Variants in TBC1D5 observed in about 807,000 individuals in gnomAD.
TBC1D5 encodes TBC1 domain family member 5, also known as TBC1 domain family, member 5.
In TBC1D5, 75 loss-of-function variants were observed where a neutral mutation model predicts 100.3. The ratio of observed to expected loss-of-function variants is 0.75; its 90% CI spans 0.62 to 0.91. The LOEUF is 0.91. Among genes scored for constraint, TBC1D5 ranks in the 40% least tolerant of loss-of-function variants. The pLI is 0.00. For synonymous variants in TBC1D5, 323 were observed against 325.6 expected, an observed-to-expected ratio of 0.99 and a Z score of 0.09; for missense variants, 910 against 942.4, an observed-to-expected ratio of 0.97 and a Z score of 0.45.
At chr3:17,629,584 T>C (rs1169545296) in intron 1 of TBC1D5, among the ~76,000 whole-genome samples, 1 of 152,208 alleles carries the variant, frequency 6.6e-6, no homozygotes, top group Admixed American at 6.5e-5. Context: ...CAGGACTCAC[T>C]AGTTACTTTG....
At chr3:17,425,472 C>A (rs954677135) in intron 4 of TBC1D5, among the ~76,000 whole-genome samples, 1 of 152,102 alleles carries the variant, frequency 6.6e-6, no homozygotes, top group African/African-American at 2.4e-5. Context: ...ACAAAAAACA[C>A]AAGAATTACC....
intron 3 of TBC1D5, among the ~76,000 whole-genome samples, chr3:17,455,452 G>T (rs1487940047): frequency 6.9e-6 from 1 of 145,218 alleles, no homozygotes; most frequent in Non-Finnish European, 1.5e-5. Context: ...ATATATATAT[G>T]TGTGTGTATA....
intron 4 of TBC1D5, among the ~76,000 whole-genome samples, chr3:17,412,830 A>C (rs151252148): frequency 1.1e-4 from 16 of 152,324 alleles, no homozygotes; most frequent in African/African-American, 3.8e-4. Flanking sequence ...TTCTGGAATA[A>C]CATGGAAGTA....
intron 14 of TBC1D5, among the ~76,000 whole-genome samples, chr3:17,307,702 A>T (rs990196059): frequency 6.6e-6 from 1 of 152,210 alleles, no homozygotes; most frequent in Admixed American, 6.5e-5. Flanking sequence ...TGCATTTCAC[A>T]ACTGTGTGTA....
chr3:17,411,916 G>C (rs2093937091), intron 4 of TBC1D5, among the ~76,000 whole-genome samples: 1 of 152,022 alleles, frequency 6.6e-6, no homozygotes, highest in Non-Finnish European at 1.5e-5. Context: ...ACTGATGAAC[G>C]GCTCTAACAA....
At chr3:17,428,395 ATG>A (rs35081140) in intron 4 of TBC1D5, 53 bp downstream of exon 4, 108,774 of 293,018 alleles carry the variant, frequency 0.37, 14,554 homozygotes, top group Middle Eastern at 0.44. Context: ...ATAATATTAT[ATG>A]TGTGTGTGTG....
At chr3:17,525,978 GA>G (rs1164370256) in intron 2 of TBC1D5, among the ~76,000 whole-genome samples, 2 of 152,056 alleles carry the variant, frequency 1.3e-5, no homozygotes, top group Non-Finnish European at 2.9e-5. Flanking sequence ...CATTCTCTCT[GA>G]AATGCTTCCT....
At chr3:17,213,944 T>C (rs1351042096) in intron 18 of TBC1D5, among the ~76,000 whole-genome samples, 1 of 151,004 alleles carries the variant, frequency 6.6e-6, no homozygotes, top group South Asian at 2.1e-4. Flanking sequence ...AAGGCATTTG[T>C]AGAGAAAAAA....
chr3:17,295,960 G>C (rs2082213068), intron 14 of TBC1D5, among the ~76,000 whole-genome samples: 1 of 152,144 alleles, frequency 6.6e-6, no homozygotes, highest in Admixed American at 6.5e-5. Flanking sequence ...CAAGGCCACA[G>C]AGATCCTGAA....
intron 1 of TBC1D5, among the ~76,000 whole-genome samples, chr3:17,713,826 A>G (rs2074989387): frequency 1.3e-5 from 2 of 152,170 alleles, no homozygotes; most frequent in Non-Finnish European, 2.9e-5. Context: ...TCAAAACCAC[A>G]ATGGGAAAGT....
At chr3:17,178,233 T>C (rs1209271381) in intron 19 of TBC1D5, among the ~76,000 whole-genome samples, 3 of 151,898 alleles carry the variant, frequency 2.0e-5, no homozygotes, top group Non-Finnish European at 2.9e-5. Context: ...GCCTGGCTAA[T>C]TTTTTGTATT....
At chr3:17,372,350 C>A (rs1411685483) in intron 12 of TBC1D5, 103 bp from the exon 13 acceptor site, 12 of 1,026,038 alleles carry the variant, frequency 1.2e-5, no homozygotes, top group Non-Finnish European at 1.6e-5. Context: ...GTCTTATTAT[C>A]TGCCTACTAC....
intron 2 of TBC1D5, among the ~76,000 whole-genome samples, chr3:17,569,046 T>G (rs2096610339): frequency 6.6e-6 from 1 of 151,800 alleles, no homozygotes; most frequent in South Asian, 2.1e-4. Context: ...TCATAAAGAT[T>G]TGTAGCCATA....
intron 2 of TBC1D5, among the ~76,000 whole-genome samples, chr3:17,579,423 G>A (rs73165734): frequency 0.074 from 11,190 of 152,018 alleles, 843 homozygotes; most frequent in African/African-American, 0.19. Flanking sequence ...TCTTCCTGCT[G>A]CTTCTTTCAG....
intron 17 of TBC1D5, among the ~76,000 whole-genome samples, chr3:17,228,955 C>G (rs2075163759): frequency 6.6e-6 from 1 of 151,988 alleles, no homozygotes; most frequent in Non-Finnish European, 1.5e-5. Context: ...TTATTAAGCT[C>G]CTACCATGTC....
At chr3:17,455,937 A>G (rs2095074511) in intron 3 of TBC1D5, among the ~76,000 whole-genome samples, 2 of 152,220 alleles carry the variant, frequency 1.3e-5, no homozygotes, top group South Asian at 4.1e-4. Context: ...GGATGGCACT[A>G]GCACAGAAAC....
At chr3:17,557,426 T>A (rs2096529398) in intron 2 of TBC1D5, among the ~76,000 whole-genome samples, 1 of 152,230 alleles carries the variant, frequency 6.6e-6, no homozygotes, top group South Asian at 2.1e-4. Context: ...AATAAAAATA[T>A]AAAGTTTAAC....
At chr3:17,606,533 A>C (rs1257196326) in intron 2 of TBC1D5, among the ~76,000 whole-genome samples, 1 of 152,202 alleles carries the variant, frequency 6.6e-6, no homozygotes. Context: ...ATTAATGATA[A>C]TGCAAAAGAA....
chr3:17,543,815 C>T (rs965431299), intron 2 of TBC1D5, among the ~76,000 whole-genome samples: 27 of 151,970 alleles, frequency 1.8e-4, no homozygotes, highest in African/African-American at 5.8e-4. Flanking sequence ...TGAAGTCTAC[C>T]CTCAGAATTT....
Sources: gnomAD v4.1 joint callset for allele counts (sites outside exome capture counted in the v4.1 genomes callset) on GRCh38, gnomAD v4.1.1 for gene constraint, MANE v1.5 for transcripts, NCBI Gene and HGNC (gene_info 2026-07-23, HGNC 2026-07-21) for gene names.